Variants in INO80D observed in about 807,000 individuals in gnomAD.
The protein encoded by INO80D is INO80 complex subunit D.
In INO80D, 21 loss-of-function variants were observed where a neutral mutation model predicts 87.6. That is an observed-to-expected ratio of 0.24 (90% CI 0.17 to 0.35). The LOEUF is 0.35. INO80D is among the 10% of genes least tolerant of loss of function. The pLI is 1.00. For missense variants in INO80D, 982 were observed against 1,280.7 expected, an observed-to-expected ratio of 0.77 and a Z score of 3.56; for synonymous variants, 440 against 491.0, an observed-to-expected ratio of 0.90 and a Z score of 1.37.
At chr2:206,039,927 A>C (rs1466715262) in intron 5 of INO80D, among the ~76,000 whole-genome samples, 1 of 152,070 alleles carries the variant, frequency 6.6e-6, no homozygotes, top group Non-Finnish European at 1.5e-5. Flanking sequence ...GAGAGGCACA[A>C]GCTTCTGAAT....
chr2:206,019,409 T>G (rs182221585), intron 7 of INO80D, among the ~76,000 whole-genome samples: 3 of 152,362 alleles, frequency 2.0e-5, no homozygotes, highest in Non-Finnish European at 4.4e-5. Flanking sequence ...TGTGATTTGA[T>G]TTTTTCCATT....
chr2:206,056,460 T>C lies in INO80D; in HGVS notation c.702A>G (p.Gln234=). The C allele has an allele frequency of 6.2e-7, 1 of 1,613,904 alleles. No homozygotes were observed. The highest frequency in any genetic ancestry group is 8.5e-7 in the Non-Finnish European group (1 of 1,179,872). ...GCATTGGTAGGCTGGTGTTCTGAGG[T>C]TGAGGTGACTTGCAGACTGAACCCT... ...PPQGSVCKSP[Q]PQNTSLPMQG... Residue 234 remains glutamine (Q), a synonymous_variant, in exon 4 of 11, where the codon CAA becomes CAG. Coordinates refer to ENST00000403263, the MANE Select transcript of INO80D (RefSeq NM_017759.5).
chr2:206,014,295 A>T (rs777403756), intron 8 of INO80D, among the ~76,000 whole-genome samples: 1 of 152,242 alleles, frequency 6.6e-6, no homozygotes, highest in Non-Finnish European at 1.5e-5. Flanking sequence ...TCTGTAAAAG[A>T]AACCTAAAAA....
chr2:206,005,238 A>G lies in INO80D; in HGVS notation c.2214T>C (p.Ser738=). 1 of 1,614,030 alleles carries G rather than the reference A, an allele frequency of 6.2e-7. No individual in the cohort carries two copies. Among genetic ancestry groups the G allele is most frequent in the South Asian group, 1.1e-5 (1 of 91,084 alleles). The change falls in exon 11 of 11, where the codon TCT becomes TCC. Residue 738 remains serine (S), a synonymous_variant. Coordinates refer to ENST00000403263, the MANE Select transcript of INO80D (RefSeq NM_017759.5). ...GTGTAGGTGGGTTTGACAAGGTAGC[A>G]GAACGGAGCAGGTTCTCATCCAGCT... ...SLELDENLLR[S]ATLSNPPTPL...
chr2:206,038,066 A>T (rs1476885728), intron 5 of INO80D, among the ~76,000 whole-genome samples: 1 of 152,218 alleles, frequency 6.6e-6, no homozygotes, highest in African/African-American at 2.4e-5. Context: ...GTGATAGACG[A>T]TGAAGACTCA....
chr2:206,065,194 G>A (rs1264968785), intron 1 of INO80D, among the ~76,000 whole-genome samples: 1 of 152,198 alleles, frequency 6.6e-6, no homozygotes, highest in Non-Finnish European at 1.5e-5. Flanking sequence ...GTACAGGGTG[G>A]GCACGGTGGC....
At chr2:206,033,676 G>A (rs1191481720) in intron 5 of INO80D, among the ~76,000 whole-genome samples, 2 of 152,004 alleles carry the variant, frequency 1.3e-5, no homozygotes, top group Non-Finnish European at 2.9e-5. Flanking sequence ...ACACCTCAAG[G>A]AAGTAGAGAA....
In INO80D at chr2:205,997,422, C is replaced by T. The variant is rs1687828287; in HGVS notation, c.*6946G>A. ...ATGCACGGTGAAATGATCCCACCAA[C>T]TCCTTAAACAAAGCAGCCCCTTCCA... is the stretch of plus-strand genomic sequence containing the variant. On this transcript the variant is annotated 3_prime_UTR_variant, in exon 11 of 11. Coordinates refer to ENST00000403263, the MANE Select transcript of INO80D (RefSeq NM_017759.5). 1 of 152,090 alleles carries T rather than the reference C, an allele frequency of 6.6e-6. No individual in the cohort carries two copies. The highest frequency in any genetic ancestry group is 1.5e-5 in the Non-Finnish European group (1 of 67,980). 9.4% of individuals were successfully genotyped at this position (152,090 alleles called of 1,614,324 possible).
Position 206,007,349 on chromosome 2 carries a change from T to G in INO80D, c.1853A>C (p.Gln618Pro), listed in dbSNP as rs1456500874. ...TDIPHDLELN[Q>P]EDFSDVLPRL... is the part of the protein sequence containing the mutation. Reference sequence around the variant, plus strand: ...TGGCAGGACATCTGAAAAGTCCTCCTGGTTCAATTCCAAGTCATGTGGAAT... The same window carrying G: ...TGGCAGGACATCTGAAAAGTCCTCCGGGTTCAATTCCAAGTCATGTGGAAT... The change falls in exon 10 of 11, where the codon CAG (glutamine) becomes CCG (proline). Residue 618 changes from glutamine (Q) to proline (P), a missense_variant. Transcript: ENST00000403263. 6.2e-7 allele frequency: 1 copy of G among 1,613,946 alleles called. No individual in the cohort carries two copies. Among genetic ancestry groups the G allele is most frequent in the Non-Finnish European group, 8.5e-7 (1 of 1,179,870 alleles).
chr2:206,052,532 A>G lies in INO80D; in HGVS notation c.964+3666T>C, dbSNP rs935934923. 2.0e-5 allele frequency among the ~76,000 whole-genome samples: 3 copies of G among 152,130 alleles called. No homozygotes were observed. The South Asian group carries it at 6.2e-4, about 31-fold the overall frequency. On this transcript the variant is annotated intron_variant, in intron 4 of 10. Coordinates refer to ENST00000403263, the MANE Select transcript of INO80D (RefSeq NM_017759.5). ...TATTTGAAAGAGAATCTGACAGGCC[A>G]GGCACAGTGACTTGTGCCTGTAATC...
intron 5 of INO80D, among the ~76,000 whole-genome samples, chr2:206,041,876 G>T (rs1689060388): frequency 1.3e-5 from 2 of 152,188 alleles, no homozygotes; most frequent in African/African-American, 2.4e-5. Flanking sequence ...GGCTGGGCAT[G>T]GTGGCTCATG....
intron 5 of INO80D, among the ~76,000 whole-genome samples, chr2:206,036,116 C>G (rs1164482515): frequency 2.0e-5 from 3 of 152,058 alleles, no homozygotes; most frequent in Non-Finnish European, 4.4e-5. Context: ...ATGTGGTGAT[C>G]AGGGAACACT....
chr2:206,043,001 G>A (rs1190748834), intron 5 of INO80D, among the ~76,000 whole-genome samples: 1 of 152,088 alleles, frequency 6.6e-6, no homozygotes, highest in Non-Finnish European at 1.5e-5. Context: ...ATTCCTTATG[G>A]CACAATCCTG....
At chr2:206,032,219 GCAGACTCCA>G (rs1171363755) in intron 5 of INO80D, among the ~76,000 whole-genome samples, 3 of 152,328 alleles carry the variant, frequency 2.0e-5, no homozygotes, top group Non-Finnish European at 2.9e-5. Flanking sequence ...AATCGTCTGT[GCAGACTCCA>G]CAGGTGGGGA....
chr2:206,006,572 A>T (rs777827245), intron 10 of INO80D, among the ~76,000 whole-genome samples: 2 of 151,606 alleles, frequency 1.3e-5, no homozygotes, highest in Non-Finnish European at 2.9e-5. Context: ...AATCCCAGCT[A>T]CTCGGGAGGC....
In INO80D at chr2:206,039,577, T is replaced by C. The variant is rs187226477; in HGVS notation, c.1073+6927A>G. 3.6e-3 allele frequency among the ~76,000 whole-genome samples: 544 copies of C among 151,622 alleles called. 6 individuals carry two copies. Among genetic ancestry groups the C allele is most frequent in the African/African-American group, 0.013 (519 of 41,366 alleles). On this transcript the variant is annotated intron_variant, in intron 5 of 10. Transcript: ENST00000403263. ...CTATAATCGCAGCACTTTGGGAGGC[T>C]GAGGTGGGGGATCACCTGAGGTTGG...
intron 1 of INO80D, among the ~76,000 whole-genome samples, chr2:206,082,023 T>C (rs937754012): frequency 1.3e-5 from 2 of 152,084 alleles, no homozygotes; most frequent in African/African-American, 4.8e-5. Context: ...CAAAAACTCA[T>C]CTTTTATTTT....
intron 1 of INO80D, among the ~76,000 whole-genome samples, chr2:206,081,240 T>A (rs1385273928): frequency 6.6e-6 from 1 of 152,162 alleles, no homozygotes; most frequent in Non-Finnish European, 1.5e-5. Flanking sequence ...ACATGGACAA[T>A]CCTACCCTTA....
At position 205,997,921 on chromosome 2, in the gene INO80D, T is replaced by C. The variant is rs548034666; in HGVS notation, c.*6447A>G. The C allele has an allele frequency of 6.6e-6, 1 of 152,306 alleles. No homozygotes were observed. The highest frequency in any genetic ancestry group is 2.4e-5 in the African/African-American group (1 of 41,584). 9.4% of individuals were successfully genotyped at this position (152,306 alleles called of 1,614,324 possible). A position where few individuals can be genotyped will look rare whatever the true frequency, so the allele number is the denominator to read the frequency against. ...CACACATTCATATCTCTCACACACG[T>C]GCCCCCAATGTATATTTTTGCATGT... On this transcript the variant is annotated 3_prime_UTR_variant, in exon 11 of 11. Coordinates refer to ENST00000403263, the MANE Select transcript of INO80D (RefSeq NM_017759.5).
Sources: allele counts gnomAD v4.1 joint callset (sites outside exome capture counted in the v4.1 genomes callset), GRCh38; gene constraint gnomAD v4.1.1; transcripts MANE v1.5; gene names NCBI Gene and HGNC (gene_info 2026-07-23, HGNC 2026-07-21).